The following NKAIN3 variants were observed in gnomAD, a reference collection of about 807,000 sequenced individuals.
NKAIN3 encodes the protein sodium/potassium transporting ATPase interacting 3.
A neutral mutation model predicts 30.2 loss-of-function variants in NKAIN3; 25 were observed. That is an observed-to-expected ratio of 0.83 (90% CI 0.60 to 1.16). The LOEUF is 1.16. Ranked by LOEUF, NKAIN3 falls within the 50% of genes most tolerant of loss-of-function variation. The probability of loss-of-function intolerance (pLI) is 0.00; values close to 1 mark genes in which losing one functional copy is unlikely to be tolerated. For missense variants in NKAIN3, 225 were observed against 254.1 expected (o/e 0.89, Z 0.78); for synonymous variants, 91 against 89.6 (o/e 1.02, Z -0.09).
intron 6 of NKAIN3, among the ~76,000 whole-genome samples, chr8:62,959,433 GGTGTGTGTGT>G (rs35737951): frequency 4.9e-5 from 7 of 143,248 alleles, no homozygotes; most frequent in Admixed American, 4.2e-4. Flanking sequence ...GACAAATCAG[GGTGTGTGTGT>G]GTGTGTGTGT....
rs543543157 is a variant in NKAIN3 at position 62,961,294 on chromosome 8, A to G, written c.604-4060A>G. 2.0e-5 allele frequency among the ~76,000 whole-genome samples: 3 copies of G among 152,002 alleles called. No individual in the cohort carries two copies. The East Asian group carries it at 5.8e-4, about 30-fold the overall frequency. On this transcript the variant is annotated intron_variant, in intron 6 of 6. Coordinates refer to ENST00000623646, the MANE Select transcript of NKAIN3 (RefSeq NM_001304533.3). ...GACTCTGTCTCAAAAAAAAAAAAAA[A>G]GTGGGTCAACGAGACATTTTGTGTC...
intron 3 of NKAIN3, among the ~76,000 whole-genome samples, chr8:62,738,443 A>T (rs552249011): frequency 3.9e-5 from 6 of 152,088 alleles, no homozygotes; most frequent in African/African-American, 1.2e-4. Context: ...CTACTAAAAT[A>T]CAAAAATTAG....
chr8:62,335,644 C>A (rs1490552115), intron 1 of NKAIN3, among the ~76,000 whole-genome samples: 1 of 151,850 alleles, frequency 6.6e-6, no homozygotes, highest in Non-Finnish European at 1.5e-5. Flanking sequence ...GGAGTAGATT[C>A]TCCTCTTTAA....
Position 62,456,227 on chromosome 8 carries a change from A to T in NKAIN3, c.55-123312A>T, listed in dbSNP as rs144291005. 2.8e-3 allele frequency among the ~76,000 whole-genome samples: 425 copies of T among 152,362 alleles called. 1 individual carries two copies. The highest frequency in any genetic ancestry group is 4.7e-3 in the Non-Finnish European group (323 of 68,038). ...AGGAACTACAGTACTAGAAGTCTTA[A>T]GAAAAGGAAACCAGCCAGGCACAGG... On this transcript the variant is annotated intron_variant, in intron 1 of 6. Coordinates refer to ENST00000623646, the MANE Select transcript of NKAIN3 (RefSeq NM_001304533.3).
At position 62,443,751 on chromosome 8, in the gene NKAIN3, AT is replaced by A. The variant is rs1805401793; in HGVS notation, c.55-135783del. ...GTTATTATTATTTTCTTATTTTATA[AT>A]TTTTCTCTTCTCTTTCTTTTTGATT... On this transcript the variant is annotated intron_variant, in intron 1 of 6. Transcript: ENST00000623646. Among the ~76,000 whole-genome samples, 3 of 151,762 alleles carry A rather than the reference AT, an allele frequency of 2.0e-5. 1 individual carries two copies. The highest frequency in any genetic ancestry group is 2.0e-4 in the Admixed American group (3 of 15,230).
chr8:62,490,106 C>T (rs1302914642), intron 1 of NKAIN3, among the ~76,000 whole-genome samples: 3 of 152,188 alleles, frequency 2.0e-5, no homozygotes, highest in African/African-American at 2.4e-5. Flanking sequence ...TCTGGTGTGT[C>T]AACTTGGCAC....
At chr8:62,455,283 G>A (rs1476688006) in intron 1 of NKAIN3, among the ~76,000 whole-genome samples, 1 of 152,190 alleles carries the variant, frequency 6.6e-6, no homozygotes, top group Non-Finnish European at 1.5e-5. Context: ...CACATCAGTG[G>A]TGGATTGGAT....
intron 5 of NKAIN3, among the ~76,000 whole-genome samples, chr8:62,935,191 A>C (rs1347495987): frequency 6.6e-6 from 1 of 152,196 alleles, no homozygotes; most frequent in Non-Finnish European, 1.5e-5. Flanking sequence ...AAGTTCGTGA[A>C]AGTTCCACAG....
At chr8:62,992,519 G>C (rs996589904) in intron 5 of NKAIN3, among the ~76,000 whole-genome samples, 1 of 151,946 alleles carries the variant, frequency 6.6e-6, no homozygotes, top group African/African-American at 2.4e-5. Flanking sequence ...GGTTGCTATG[G>C]AAAACAGACA....
intron 2 of NKAIN3, among the ~76,000 whole-genome samples, chr8:62,584,450 G>A (rs946436648): frequency 8.5e-5 from 13 of 152,286 alleles, no homozygotes; most frequent in African/African-American, 2.4e-4. Flanking sequence ...TTATGAAAAT[G>A]TTTTGGGTAA....
intron 3 of NKAIN3, among the ~76,000 whole-genome samples, chr8:62,616,617 G>GT (rs1262384643): frequency 1.3e-5 from 2 of 152,144 alleles, no homozygotes; most frequent in African/African-American, 2.4e-5. Context: ...TTGTTTGTTT[G>GT]TTTTTTGTTT....
rs572025095 is a variant in NKAIN3 at position 62,606,211 on chromosome 8, C to A, written c.273+16417C>A. ...ATGGATCAGGACTAAGGTCACTACC[C>A]TTGAGAGGTGATCCTGTAGGGTCAT... On this transcript the variant is annotated intron_variant, in intron 3 of 6. Coordinates refer to ENST00000623646, the MANE Select transcript of NKAIN3 (RefSeq NM_001304533.3). 8.9e-4 allele frequency among the ~76,000 whole-genome samples: 136 copies of A among 152,138 alleles called. 1 individual carries two copies. The South Asian group carries it at 0.028, about 31-fold the overall frequency.
chr8:62,560,540 T>C (rs990597893), intron 1 of NKAIN3, among the ~76,000 whole-genome samples: 3 of 130,802 alleles, frequency 2.3e-5, no homozygotes, highest in East Asian at 2.1e-4. Context: ...TCTTTTTTTT[T>C]TTTTTTTTTT....
At chr8:62,664,474 A>G (rs1172686460) in intron 3 of NKAIN3, among the ~76,000 whole-genome samples, 1 of 152,058 alleles carries the variant, frequency 6.6e-6, no homozygotes, top group African/African-American at 2.4e-5. Flanking sequence ...AGAGGGTACA[A>G]TAATCAATTA....
rs550072900 is a variant in NKAIN3 at position 62,448,615 on chromosome 8, A to G, written c.55-130924A>G. ...CAGTTTGCTTTATTCTGTTAACATCAGATATTCTAAAGGGTATTTTTGAAA... is the reference window on the plus strand; with the variant it reads ...CAGTTTGCTTTATTCTGTTAACATCGGATATTCTAAAGGGTATTTTTGAAA... On this transcript the variant is annotated intron_variant, in intron 1 of 6. Transcript: ENST00000623646. Among the ~76,000 whole-genome samples the G allele has an allele frequency of 2.6e-5, 4 of 151,952 alleles. No homozygotes were observed. The East Asian group carries it at 7.8e-4, about 29-fold the overall frequency.
chr8:62,478,707 A>G (rs1276788788), intron 1 of NKAIN3, among the ~76,000 whole-genome samples: 1 of 152,196 alleles, frequency 6.6e-6, no homozygotes, highest in African/African-American at 2.4e-5. Flanking sequence ...GTTTTAAAAA[A>G]TATTTATTTC....
At chr8:62,455,226 A>G (rs1805775846) in intron 1 of NKAIN3, among the ~76,000 whole-genome samples, 2 of 152,246 alleles carry the variant, frequency 1.3e-5, no homozygotes, top group South Asian at 4.1e-4. Context: ...AGACACTTGC[A>G]TTCATTTGTC....
chr8:62,770,867 A>G (rs1816985981), intron 4 of NKAIN3, among the ~76,000 whole-genome samples: 1 of 151,964 alleles, frequency 6.6e-6, no homozygotes, highest in Non-Finnish European at 1.5e-5. Flanking sequence ...AAAACAAAGC[A>G]AACGAGTAAC....
Position 62,515,704 on chromosome 8 carries a change from TA to T in NKAIN3, c.55-63834del, listed in dbSNP as rs1024577627. ...ATTTACACTCTCAACAAGAATCCAC[TA>T]GGGTTTCTGTTTCCCAACATCTTTC... On this transcript the variant is annotated intron_variant, in intron 1 of 6. Transcript: ENST00000623646. 4.6e-5 allele frequency among the ~76,000 whole-genome samples: 7 copies of T among 152,252 alleles called. No individual in the cohort carries two copies. In the East Asian group the frequency reaches 1.4e-3, roughly 29 times the overall value.
Sources: gnomAD v4.1 joint callset for allele counts (sites outside exome capture counted in the v4.1 genomes callset) on GRCh38, gnomAD v4.1.1 for gene constraint, MANE v1.5 for transcripts, NCBI Gene and HGNC (gene_info 2026-07-23, HGNC 2026-07-21) for gene names.